The following DNAH11 variants were observed in gnomAD, a reference collection of about 807,000 sequenced individuals.
DNAH11 encodes the protein dynein axonemal heavy chain 11.
DNAH11 carries 442 observed loss-of-function variants against 526.0 expected under a neutral mutation model. The ratio of observed to expected loss-of-function variants is 0.84; its 90% confidence interval spans 0.78 to 0.91. DNAH11 has a LOEUF of 0.91. Ranked by LOEUF, DNAH11 falls within the 40% of genes least tolerant of loss-of-function variation. The pLI is 0.00. For synonymous variants in DNAH11, 2,461 were observed against 1,935.9 expected (o/e 1.27, Z -7.12); for missense variants, 6,989 against 5,448.7 (o/e 1.28, Z -8.90).
Position 21,707,747 on chromosome 7 carries a change from G to A in DNAH11, c.6595G>A (p.Val2199Ile), listed in dbSNP as rs368678650. Residue 2199 changes from valine to isoleucine, a missense_variant, in exon 40 of 82, where the codon GTT (valine) becomes ATT (isoleucine). Coordinates refer to ENST00000409508, the MANE Select transcript of DNAH11 (RefSeq NM_001277115.2). ...RTYVNMKQKP[V>I]WNDLNPKAVT... Reference sequence around the variant, plus strand: ...ATATGTTAACATGAAACAGAAGCCGGTTTGGAATGACTTAAACCCTAAAGC... The same window carrying A: ...ATATGTTAACATGAAACAGAAGCCGATTTGGAATGACTTAAACCCTAAAGC... 1.1e-5 allele frequency: 18 copies of A among 1,613,358 alleles called. No individual in the cohort carries two copies. In the African/African-American group the frequency reaches 2.0e-4, roughly 18 times the overall value.
chr7:21,861,936 G>C lies in DNAH11; in HGVS notation c.11286G>C (p.Glu3762Asp), dbSNP rs768335894. The change falls in exon 69 of 82, where the codon GAG (glutamate) becomes GAC (aspartate). Residue 3762 changes from glutamate to aspartate, a missense_variant. Physicochemically the swap from Glu to Asp is conservative, Grantham distance 45. Transcript: ENST00000409508. ...AGGGACGCATCTCTATCCTGATGGA[G>C]AGCATCACCCATGCTGTCTTCCTCT... ...DMQGRISILM[E>D]SITHAVFLYT... 1.9e-6 allele frequency: 3 copies of C among 1,613,670 alleles called. No individual in the cohort carries two copies. In the South Asian group the frequency reaches 3.3e-5, roughly 18 times the overall value.
At chr7:21,873,776 G>A (rs948610763) in intron 74 of DNAH11, among the ~76,000 whole-genome samples, 3 of 124,994 alleles carry the variant, frequency 2.4e-5, no homozygotes, top group African/African-American at 9.1e-5. Context: ...AACTTCTTGA[G>A]GAGGTTGCTT....
intron 12 of DNAH11, among the ~76,000 whole-genome samples, chr7:21,590,246 T>C (rs1784624582): frequency 6.6e-6 from 1 of 152,198 alleles, no homozygotes. Flanking sequence ...GTATATGCAT[T>C]GTATATATTT....
intron 62 of DNAH11, among the ~76,000 whole-genome samples, chr7:21,803,240 T>C (rs2127994260): frequency 6.6e-6 from 1 of 152,306 alleles, no homozygotes; most frequent in Non-Finnish European, 1.5e-5. Flanking sequence ...ACTTTTACAG[T>C]GGCTCAAACA....
intron 68 of DNAH11, among the ~76,000 whole-genome samples, chr7:21,856,614 T>C (rs1782859527): frequency 6.6e-6 from 1 of 152,120 alleles, no homozygotes; most frequent in Non-Finnish European, 1.5e-5. Context: ...TCCAACCATA[T>C]ATAAAAAGCA....
intron 74 of DNAH11, among the ~76,000 whole-genome samples, chr7:21,874,676 C>T (rs192501359): frequency 4.4e-4 from 67 of 151,650 alleles, no homozygotes; most frequent in East Asian, 3.7e-3. Context: ...TAAATACATA[C>T]GTATATATAC....
chr7:21,852,670 C>G (rs759661968), intron 67 of DNAH11, 39 bp downstream of exon 67: 14 of 1,531,248 alleles, frequency 9.1e-6, no homozygotes, highest in Middle Eastern at 1.8e-4. Flanking sequence ...TTCTAATGCT[C>G]TGTTCGAATG....
At chr7:21,747,116 A>T (rs530678110) in intron 51 of DNAH11, among the ~76,000 whole-genome samples, 38 of 152,310 alleles carry the variant, frequency 2.5e-4, no homozygotes, top group African/African-American at 8.9e-4. Flanking sequence ...GAATCTTGTG[A>T]GGTTAAAAGC....
chr7:21,848,976 C>G (rs938490185), intron 66 of DNAH11, among the ~76,000 whole-genome samples: 1 of 152,182 alleles, frequency 6.6e-6, no homozygotes, highest in African/African-American at 2.4e-5. Context: ...ACCTCTGCCT[C>G]CTTGGTTCAA....
intron 56 of DNAH11, among the ~76,000 whole-genome samples, chr7:21,776,526 C>T (rs1194077507): frequency 1.3e-5 from 2 of 152,162 alleles, no homozygotes; most frequent in African/African-American, 4.8e-5. Flanking sequence ...AGCAATGTTC[C>T]TTCTTTACAG....
chr7:21,670,606 T>G (rs1338124820), intron 30 of DNAH11, among the ~76,000 whole-genome samples: 1 of 152,186 alleles, frequency 6.6e-6, no homozygotes, highest in East Asian at 1.9e-4. Context: ...CTTGTCCATT[T>G]ACATTCTTTG....
chr7:21,653,618 G>C (rs991883658), intron 28 of DNAH11, among the ~76,000 whole-genome samples: 1 of 152,142 alleles, frequency 6.6e-6, no homozygotes, highest in Admixed American at 6.5e-5. Context: ...ACTTCAGCTG[G>C]GAGAGTGAAT....
At position 21,571,765 on chromosome 7, in the gene DNAH11, C is replaced by T. The variant is rs368020328; in HGVS notation, c.1426-41C>T. 1.9e-5 allele frequency: 28 copies of T among 1,484,854 alleles called. No individual in the cohort carries two copies. In the African/African-American group the frequency reaches 2.5e-4, roughly 13 times the overall value. 92.0% of individuals were successfully genotyped at this position (1,484,854 alleles called of 1,614,324 possible). A position where few individuals can be genotyped will look rare whatever the true frequency, so the allele number is the denominator to read the frequency against. On this transcript the variant is annotated intron_variant, in intron 7 of 81. Transcript: ENST00000409508. ...TTTGAAACTTTAAAATATTTTGCTG[C>T]TCAATGTAGTGGAAAGGTCTTTACT...
At chr7:21,885,572 C>A (rs545203108) in intron 76 of DNAH11, among the ~76,000 whole-genome samples, 1 of 151,958 alleles carries the variant, frequency 6.6e-6, no homozygotes, top group African/African-American at 2.4e-5. Context: ...GTCAACAATA[C>A]AATATTGTAT....
In DNAH11 at chr7:21,899,399, G is replaced by T. The variant is rs148707462; in HGVS notation, c.13113G>T (p.Pro4371=). ...LDTWTQDLTL[P]AVVWLSGFFN... is the part of the protein sequence containing the mutation. ...CTTGGACACAAGACCTTACCCTTCC[G>T]GCTGTCGTGTGGCTCTCCGGCTTCT... is the stretch of plus-strand genomic sequence containing the variant. Residue 4371 remains proline, a synonymous_variant, in exon 80 of 82, where the codon CCG becomes CCT. Coordinates refer to ENST00000409508, the MANE Select transcript of DNAH11 (RefSeq NM_001277115.2). 15 of 1,613,772 alleles carry T rather than the reference G, an allele frequency of 9.3e-6. No individual in the cohort carries two copies. In the African/African-American group the frequency reaches 1.3e-4, roughly 14 times the overall value.
intron 29 of DNAH11, among the ~76,000 whole-genome samples, chr7:21,658,336 C>T (rs1257392547): frequency 2.6e-5 from 4 of 151,892 alleles, no homozygotes; most frequent in Non-Finnish European, 4.4e-5. Flanking sequence ...GAAGAATTTT[C>T]AGTAGATTTA....
chr7:21,576,318 C>A (rs1038026213), intron 8 of DNAH11, among the ~76,000 whole-genome samples: 4 of 152,190 alleles, frequency 2.6e-5, no homozygotes, highest in Admixed American at 2.6e-4. Flanking sequence ...CGGCCACAAA[C>A]AACCCTTGAA....
At chr7:21,802,966 A>AAT (rs1478051558) in intron 62 of DNAH11, among the ~76,000 whole-genome samples, 1,773 of 149,846 alleles carry the variant, frequency 0.012, 40 homozygotes, top group African/African-American at 0.042. Flanking sequence ...TATATAATGT[A>AAT]GTAAAAAACA....
chr7:21,794,859 G>T (rs377060695), intron 61 of DNAH11, among the ~76,000 whole-genome samples: 1 of 152,164 alleles, frequency 6.6e-6, no homozygotes, highest in Non-Finnish European at 1.5e-5. Flanking sequence ...GTCCACCTCA[G>T]TCTCACTTTC....
Sources: allele counts gnomAD v4.1 joint callset (sites outside exome capture counted in the v4.1 genomes callset), GRCh38; gene constraint gnomAD v4.1.1; transcripts MANE v1.5; gene names NCBI Gene and HGNC (gene_info 2026-07-23, HGNC 2026-07-21).